The following MTRF1L variants were observed in gnomAD, a reference collection of about 807,000 sequenced individuals.
MTRF1L encodes mitochondrial translation release factor 1 like.
Under a neutral mutation model 40.0 loss-of-function variants are expected in MTRF1L, and 29 were observed. The ratio of observed to expected loss-of-function variants is 0.73; its 90% CI spans 0.54 to 0.99. The LOEUF (loss-of-function observed/expected upper bound fraction) is 0.99, where lower values mean the gene tolerates loss of function less well. Ranked by LOEUF, MTRF1L falls within the 50% of genes least tolerant of loss-of-function variation. The pLI is 0.00. For synonymous variants in MTRF1L, 150 were observed against 175.8 expected, an observed-to-expected ratio of 0.85 and a Z score of 1.16; for missense variants, 412 against 464.5, an observed-to-expected ratio of 0.89 and a Z score of 1.04.
intron 5 of MTRF1L, among the ~76,000 whole-genome samples, chr6:152,991,632 C>T (rs968397238): frequency 9.2e-5 from 14 of 152,226 alleles, no homozygotes; most frequent in East Asian, 5.8e-4. Context: ...CTGCAAGCTC[C>T]GCCTCCCGGG....
In MTRF1L at chr6:152,994,532, A is replaced by C; in HGVS notation, c.668T>G (p.Ile223Arg). ...RVHTSTMTVA[I>R]LPQPTEINLV... is the part of the protein sequence containing the mutation. ...CCTTACCTCAGTAGGCTGGGGTAATATTGCTACAGTCATGGTGCTAGTATG... is the reference window on the plus strand; with the variant it reads ...CCTTACCTCAGTAGGCTGGGGTAATCTTGCTACAGTCATGGTGCTAGTATG... The change falls in exon 4 of 7, where the codon ATA becomes AGA. Residue 223 changes from isoleucine (I) to arginine (R), a missense_variant. Coordinates refer to ENST00000367233, the MANE Select transcript of MTRF1L (RefSeq NM_019041.7). The C allele has an allele frequency of 6.2e-7, 1 of 1,611,178 alleles. No individual in the cohort carries two copies. The highest frequency in any genetic ancestry group is 8.5e-7 in the Non-Finnish European group (1 of 1,179,412).
At chr6:152,990,252 G>T in intron 6 of MTRF1L, 157 bp from the exon 7 acceptor site, 1 of 1,074,686 alleles carries the variant, frequency 9.3e-7, no homozygotes, top group Non-Finnish European at 1.3e-6. Flanking sequence ...ATGGGAACAT[G>T]ATATAGAAAA....
At chr6:152,994,766 T>G in intron 3 of MTRF1L, 90 bp from the exon 4 acceptor site, 1 of 1,498,086 alleles carries the variant, frequency 6.7e-7, no homozygotes, top group Non-Finnish European at 9.3e-7. Context: ...AGGTATATTT[T>G]TAAAGTCATA....
chr6:152,999,172 G>GTC (rs778906346), intron 1 of MTRF1L, among the ~76,000 whole-genome samples: 1 of 152,060 alleles, frequency 6.6e-6, no homozygotes, highest in Non-Finnish European at 1.5e-5. Flanking sequence ...GTACTCCTCT[G>GTC]TCTCTCTCTC....
At chr6:152,991,537 A>G (rs1778516854) in intron 5 of MTRF1L, 1 of 425,894 alleles carries the variant, frequency 2.3e-6, no homozygotes. Flanking sequence ...AAATAGCACA[A>G]AGTCTTTCTT....
rs1292602510 is a variant in MTRF1L at position 152,987,578 on chromosome 6, TAA to T, written c.*2315_*2316del. 1 of 151,752 alleles carries T rather than the reference TAA, an allele frequency of 6.6e-6. No homozygotes were observed. Among genetic ancestry groups the T allele is most frequent in the Non-Finnish European group, 1.5e-5 (1 of 67,964 alleles). The allele number at this position is 151,752 out of a possible 1,614,324, so 9.4% of individuals were successfully genotyped here. On this transcript the variant is annotated 3_prime_UTR_variant, in exon 7 of 7. Coordinates refer to ENST00000367233, the MANE Select transcript of MTRF1L (RefSeq NM_019041.7). ...AAGTAATTCTGGACAAGAGCAGTGG[TAA>T]TGGAATTGAAAAGGATTAAAAGTGT...
chr6:152,997,921 A>G (rs1584103619), intron 2 of MTRF1L, among the ~76,000 whole-genome samples: 1 of 152,170 alleles, frequency 6.6e-6, no homozygotes, highest in East Asian at 1.9e-4. Flanking sequence ...AATATAAAAA[A>G]GACTACATTG....
At position 152,992,869 on chromosome 6, in the gene MTRF1L, G is replaced by A. The variant is rs1778575493; in HGVS notation, c.793C>T (p.His265Tyr). Residue 265 changes from histidine (H) to tyrosine (Y), a missense_variant, in exon 5 of 7, where the codon CAT becomes TAT. Transcript: ENST00000367233. ...AATAAGTACACACCTGTTGGAAGAT[G>A]AACTATCCGGACAGCACTGTCCGTG... ...NTTDSAVRIV[H>Y]LPTGVVSECQ... 6.2e-7 allele frequency: 1 copy of A among 1,610,698 alleles called. No individual in the cohort carries two copies. The highest frequency in any genetic ancestry group is 8.5e-7 in the Non-Finnish European group (1 of 1,178,778).
In MTRF1L at chr6:152,992,841, A is replaced by C. The variant is rs1778573881; in HGVS notation, c.805+16T>G. 6.4e-7 allele frequency: 1 copy of C among 1,573,354 alleles called. No homozygotes were observed. Among genetic ancestry groups the C allele is most frequent in the Non-Finnish European group, 8.7e-7 (1 of 1,149,274 alleles). On this transcript the variant is annotated intron_variant, in intron 5 of 6. Coordinates refer to ENST00000367233, the MANE Select transcript of MTRF1L (RefSeq NM_019041.7). ...TGATTTCTTTGGTGTCATATATTGA[A>C]GGAATAAGTACACACCTGTTGGAAG...
In MTRF1L at chr6:153,002,604, A is replaced by G. The variant is rs1778972710; in HGVS notation, c.82T>C (p.Ser28Pro). The G allele has an allele frequency of 5.2e-6, 8 of 1,546,960 alleles. No individual in the cohort carries two copies. The highest frequency in any genetic ancestry group is 7.0e-6 in the Non-Finnish European group (8 of 1,146,664). The change falls in exon 1 of 7, where the codon TCC becomes CCC. Residue 28 changes from serine to proline, a missense_variant. Physicochemically the swap from Ser to Pro is moderately conservative, Grantham distance 74. Transcript: ENST00000367233. ...AGCTCCTCCAGCGGCGGGCTACCGG[A>G]GCTCAGGGGCCGGCGGGCTGGGCCA... ...AVGPARRPLS[S>P]GSPPLEELFT...
chr6:152,992,310 A>G (rs943288211), intron 5 of MTRF1L, among the ~76,000 whole-genome samples: 7 of 152,346 alleles, frequency 4.6e-5, no homozygotes, highest in Admixed American at 4.6e-4. Context: ...GCTACAGTAT[A>G]CTGGAGATTT....
intron 1 of MTRF1L, among the ~76,000 whole-genome samples, chr6:153,002,069 C>A (rs756671690): frequency 6.6e-6 from 1 of 152,344 alleles, no homozygotes; most frequent in East Asian, 1.9e-4. Flanking sequence ...CTGCTATTAA[C>A]AAGCACTGCC....
chr6:152,997,849 C>T lies in MTRF1L; in HGVS notation c.339+701G>A, dbSNP rs140175335. On this transcript the variant is annotated intron_variant, in intron 2 of 6. Coordinates refer to ENST00000367233, the MANE Select transcript of MTRF1L (RefSeq NM_019041.7). ...ATGTTACAGTCCTTATTTGGCTCCT[C>T]CTTTTTTTTGTTTCCTGATCTTAAA... Among the ~76,000 whole-genome samples the T allele has an allele frequency of 5.8e-3, 887 of 152,146 alleles. 5 individuals are homozygous for T. The highest frequency in any genetic ancestry group is 0.01 in the Non-Finnish European group (699 of 67,980).
rs1027475939 is a variant in MTRF1L, at chr6:153,002,579, A to T, written c.107T>A (p.Leu36Gln). The T allele has an allele frequency of 6.4e-7, 1 of 1,561,390 alleles. No individual in the cohort carries two copies. Among genetic ancestry groups the T allele is most frequent in the Admixed American group, 1.9e-5 (1 of 52,200 alleles). The change falls in exon 1 of 7, where the codon CTG (leucine) becomes CAG (glutamine). Residue 36 changes from leucine to glutamine, a missense_variant. By Grantham distance (113) the Leu-to-Gln change is moderately radical. Coordinates refer to ENST00000367233, the MANE Select transcript of MTRF1L (RefSeq NM_019041.7). ...CCGCAAGGGCCCGCCCCGGGTGAAC[A>T]GCTCCTCCAGCGGCGGGCTACCGGA... ...LSSGSPPLEE[L>Q]FTRGGPLRTF...
At chr6:152,999,118 C>T (rs1778818856) in intron 1 of MTRF1L, among the ~76,000 whole-genome samples, 1 of 152,152 alleles carries the variant, frequency 6.6e-6, no homozygotes, top group Admixed American at 6.5e-5. Flanking sequence ...CACCCAAAAA[C>T]ATTTATTAGA....
intron 6 of MTRF1L, 117 bp from the exon 7 acceptor site, chr6:152,990,212 A>T: frequency 7.2e-7 from 1 of 1,384,414 alleles, no homozygotes; most frequent in Non-Finnish European, 9.7e-7. Flanking sequence ...TGCGAGAACC[A>T]GGTTTTAAAC....
At chr6:152,997,326 A>G (rs1278432114) in intron 2 of MTRF1L, among the ~76,000 whole-genome samples, 1 of 152,250 alleles carries the variant, frequency 6.6e-6, no homozygotes, top group Non-Finnish European at 1.5e-5. Context: ...TTCAGCTTAT[A>G]AAATTCTGAC....
intron 1 of MTRF1L, among the ~76,000 whole-genome samples, chr6:152,999,249 A>G (rs1191717619): frequency 6.6e-6 from 1 of 151,146 alleles, no homozygotes; most frequent in Non-Finnish European, 1.5e-5. Flanking sequence ...ATACTTTCTC[A>G]TTCCTCTACC....
At chr6:152,991,355 TAAAAAAA>T in intron 5 of MTRF1L, 34 bp from the exon 6 acceptor site, 1 of 1,533,060 alleles carries the variant, frequency 6.5e-7, no homozygotes, top group Non-Finnish European at 8.8e-7. Flanking sequence ...AAAGTTTTAA[TAAAAAAA>T]TCTTCTTTAC....
Sources: gnomAD v4.1 joint callset for allele counts (sites outside exome capture counted in the v4.1 genomes callset) on GRCh38, gnomAD v4.1.1 for gene constraint, MANE v1.5 for transcripts, NCBI Gene and HGNC (gene_info 2026-07-23, HGNC 2026-07-21) for gene names.